PCDH9: variants seen among roughly 807,000 people sequenced by gnomAD.
The protein encoded by PCDH9 is protocadherin 9.
Under a neutral mutation model 70.6 loss-of-function variants are expected in PCDH9, and 24 were observed. The ratio of observed to expected loss-of-function variants is 0.34; its 90% confidence interval spans 0.25 to 0.48. PCDH9 has a LOEUF of 0.48. Among genes scored for constraint, PCDH9 ranks in the 20% least tolerant of loss-of-function variants. PCDH9 has a pLI of 0.99. For missense variants in PCDH9, 1,281 were observed against 1,503.6 expected, an observed-to-expected ratio of 0.85 and a Z score of 2.45; for synonymous variants, 562 against 558.5, an observed-to-expected ratio of 1.01 and a Z score of -0.09.
At chr13:66,720,850 C>T (rs1265177112) in intron 3 of PCDH9, among the ~76,000 whole-genome samples, 1 of 151,972 alleles carries the variant, frequency 6.6e-6, no homozygotes, top group Non-Finnish European at 1.5e-5. Context: ...ATAATAGGAA[C>T]TTGATAATTG....
chr13:67,044,010 C>G (rs550090891), intron 2 of PCDH9, among the ~76,000 whole-genome samples: 1 of 152,092 alleles, frequency 6.6e-6, no homozygotes, highest in African/African-American at 2.4e-5. Flanking sequence ...CAGCCAATTC[C>G]TAATTCAAGG....
intron 3 of PCDH9, among the ~76,000 whole-genome samples, chr13:66,819,770 C>T (rs1465060774): frequency 6.6e-6 from 1 of 152,098 alleles, no homozygotes; most frequent in Non-Finnish European, 1.5e-5. Context: ...GTGGCACCTG[C>T]CTCTGGTCCC....
chr13:66,453,121 A>AAATTATCT (rs558673529), intron 4 of PCDH9, among the ~76,000 whole-genome samples: 18 of 152,182 alleles, frequency 1.2e-4, no homozygotes, highest in Non-Finnish European at 2.2e-4. Flanking sequence ...TGCTAGGCAG[A>AAATTATCT]AATTATCTAA....
chr13:66,956,788 A>G (rs1225760442), intron 2 of PCDH9, among the ~76,000 whole-genome samples: 1 of 152,120 alleles, frequency 6.6e-6, no homozygotes, highest in Non-Finnish European at 1.5e-5. Context: ...ACTATGTGTC[A>G]TATCTCTAAG....
chr13:67,220,100 C>T (rs1408440453), intron 2 of PCDH9: 1 of 151,652 alleles, frequency 6.6e-6, no homozygotes, highest in African/African-American at 2.4e-5. Context: ...AAGGCTACAA[C>T]TGTAACGTTC....
chr13:67,087,947 G>C (rs1002745219), intron 2 of PCDH9, among the ~76,000 whole-genome samples: 1 of 152,004 alleles, frequency 6.6e-6, no homozygotes, highest in African/African-American at 2.4e-5. Flanking sequence ...TAACAGTTCT[G>C]AAGGAGGTTA....
intron 4 of PCDH9, among the ~76,000 whole-genome samples, chr13:66,422,026 AAG>A (rs1380465378): frequency 6.6e-6 from 1 of 152,208 alleles, no homozygotes; most frequent in African/African-American, 2.4e-5. Flanking sequence ...TGTCTGATAA[AAG>A]AGACTTTAAA....
intron 2 of PCDH9, among the ~76,000 whole-genome samples, chr13:67,122,695 A>T (rs933719344): frequency 6.6e-6 from 1 of 151,104 alleles, no homozygotes; most frequent in East Asian, 1.9e-4. Flanking sequence ...AATCGCTTGA[A>T]CTCGGGAGGC....
At chr13:67,090,353 G>C (rs2138209113) in intron 2 of PCDH9, among the ~76,000 whole-genome samples, 1 of 152,084 alleles carries the variant, frequency 6.6e-6, no homozygotes, top group East Asian at 1.9e-4. Context: ...ACAACACTTT[G>C]AATAGCATGG....
chr13:66,573,901 ACTTTCTTC>A (rs1055679237), intron 4 of PCDH9, among the ~76,000 whole-genome samples: 3 of 151,908 alleles, frequency 2.0e-5, no homozygotes, highest in Admixed American at 2.0e-4. Flanking sequence ...TTTTTCCTCT[ACTTTCTTC>A]CTTTCTACCA....
intron 2 of PCDH9, among the ~76,000 whole-genome samples, chr13:66,969,751 A>G (rs2083487785): frequency 6.6e-6 from 1 of 151,998 alleles, no homozygotes; most frequent in South Asian, 2.1e-4. Flanking sequence ...AGATATACAC[A>G]GACTCAATTA....
Position 66,542,693 on chromosome 13 carries a change from A to AAT in PCDH9, c.3340+88515_3340+88516dup, listed in dbSNP as rs67355177. 6.0e-4 allele frequency among the ~76,000 whole-genome samples: 87 copies of AAT among 145,154 alleles called. No homozygotes were observed. The South Asian group carries it at 0.018, about 30-fold the overall frequency. ...ATATATTTAAATATATATATGTTTA[A>AAT]ATATATATATATAAAAACATATATA... On this transcript the variant is annotated intron_variant, in intron 4 of 4. Transcript: ENST00000377865.
chr13:66,758,548 C>T (rs1378132075), intron 3 of PCDH9, among the ~76,000 whole-genome samples: 1 of 151,524 alleles, frequency 6.6e-6, no homozygotes, highest in Non-Finnish European at 1.5e-5. Context: ...TAATTTATTC[C>T]TTCTATCTAT....
intron 2 of PCDH9, chr13:67,215,517 T>C (rs2089582126): frequency 6.6e-6 from 1 of 152,046 alleles, no homozygotes; most frequent in Non-Finnish European, 1.5e-5. Context: ...AATAAAAGGT[T>C]GGGGTGAAGA....
chr13:66,698,377 C>T lies in PCDH9; in HGVS notation c.3139-66966G>A, dbSNP rs763432968. Among the ~76,000 whole-genome samples the T allele has an allele frequency of 1.1e-4, 17 of 152,326 alleles. No individual in the cohort carries two copies. The East Asian group carries it at 2.9e-3, about 26-fold the overall frequency. ...CAAAATCACACATAATTGAGAGCCA[C>T]TGCTCTAAAATATGGTTTGAATTTG... On this transcript the variant is annotated intron_variant, in intron 3 of 4. Coordinates refer to ENST00000377865, the MANE Select transcript of PCDH9 (RefSeq NM_203487.3).
chr13:66,862,310 T>C (rs2081497292), intron 3 of PCDH9, among the ~76,000 whole-genome samples: 1 of 152,174 alleles, frequency 6.6e-6, no homozygotes, highest in Non-Finnish European at 1.5e-5. Flanking sequence ...AACCTTCAAG[T>C]CAGCAAAGCA....
At position 67,227,221 on chromosome 13, in the gene PCDH9, A is replaced by T. The variant is rs2089899920; in HGVS notation, c.1220T>A (p.Val407Asp). ...ATATACCGCCTTCAAATGAAATGGG[A>T]CCTCTCTTTCAATAAAACAGATCAC... ...GKVICFIERE[V>D]PFHLKAVYDN... Residue 407 changes from valine (V) to aspartate (D), a missense_variant, in exon 2 of 5, where the codon GTC (valine) becomes GAC (aspartate). Val to Asp is a radical substitution (Grantham distance 152). Around this residue, in one of 4 missense-constraint regions of PCDH9, gnomAD observed 798 missense variants for 1,003.1 expected, o/e 0.80. Coordinates refer to ENST00000377865, the MANE Select transcript of PCDH9 (RefSeq NM_203487.3). The surrounding 1 kb of genome is among the most constrained non-coding windows in gnomAD (Gnocchi z 4.6). 6.2e-7 allele frequency: 1 copy of T among 1,613,468 alleles called. No individual in the cohort carries two copies. Among genetic ancestry groups the T allele is most frequent in the East Asian group, 2.2e-5 (1 of 44,872 alleles).
At chr13:66,559,020 T>C (rs1418316984) in intron 4 of PCDH9, among the ~76,000 whole-genome samples, 1 of 152,054 alleles carries the variant, frequency 6.6e-6, no homozygotes, top group Non-Finnish European at 1.5e-5. Flanking sequence ...ATAAGTGGGG[T>C]CAGTAGGAAT....
chr13:66,525,862 G>A (rs1960196445), intron 4 of PCDH9, among the ~76,000 whole-genome samples: 1 of 152,090 alleles, frequency 6.6e-6, no homozygotes, highest in Non-Finnish European at 1.5e-5. Context: ...GACGACATAC[G>A]TTCTTCACTT....
Sources: allele counts gnomAD v4.1 joint callset (sites outside exome capture counted in the v4.1 genomes callset), GRCh38; gene constraint gnomAD v4.1.1; regional missense constraint gnomAD v4.1.1; non-coding constraint Gnocchi (gnomAD v3.1); transcripts MANE v1.5; gene names NCBI Gene and HGNC (gene_info 2026-07-23, HGNC 2026-07-21).